Variants in PKN2 observed in about 807,000 individuals in gnomAD.
PKN2 encodes the protein protein kinase N2.
A neutral mutation model predicts 119.1 loss-of-function variants in PKN2; 38 were observed. The observed-to-expected ratio is 0.32, with a 90% CI of 0.25 to 0.42. The LOEUF is 0.42. Among genes scored for constraint, PKN2 ranks in the 10% least tolerant of loss-of-function variants. The probability of loss-of-function intolerance (pLI) is 1.00; values close to 1 mark genes in which losing one functional copy is unlikely to be tolerated. For synonymous variants in PKN2, 390 were observed against 384.9 expected (o/e 1.01, Z -0.15); for missense variants, 850 against 1,165.1 (o/e 0.73, Z 3.94).
intron 8 of PKN2, among the ~76,000 whole-genome samples, chr1:88,790,696 C>G (rs1344303944): frequency 6.6e-6 from 1 of 152,018 alleles, no homozygotes; most frequent in African/African-American, 2.4e-5. Flanking sequence ...GTGGCACTTT[C>G]AGTTTGAAAG....
intron 3 of PKN2, among the ~76,000 whole-genome samples, chr1:88,760,889 A>G (rs1483310560): frequency 6.6e-6 from 1 of 152,198 alleles, no homozygotes; most frequent in Non-Finnish European, 1.5e-5. Context: ...GGAGCTTTCC[A>G]TATCTGCAAC....
At chr1:88,825,856 C>T (rs532537837) in intron 18 of PKN2, among the ~76,000 whole-genome samples, 44 of 152,314 alleles carry the variant, frequency 2.9e-4, no homozygotes, top group African/African-American at 1.0e-3. Flanking sequence ...CTGCCTTCCT[C>T]TCTGGCCACA....
At chr1:88,770,534 AG>A in intron 4 of PKN2, 65 bp downstream of exon 4, 1 of 850,920 alleles carries the variant, frequency 1.2e-6, no homozygotes, top group South Asian at 1.4e-5. Context: ...ATGCAGGAAC[AG>A]GGCAGTGGTT....
Position 88,771,730 on chromosome 1 carries a change from T to A in PKN2, c.836T>A (p.Leu279Ter), listed in dbSNP as rs770448851. The change falls in exon 6 of 22, where the codon TTA becomes TAA. Residue 279 changes from leucine to a stop codon, truncating the protein, a stop_gained. Transcript: ENST00000370521. LOFTEE classifies it high-confidence loss of function. ...TTAAAGTATTCATTAGAGCAAAGAT[T>A]AAACGAAGTCCCCAAGAATCATCCC... Reference protein sequence around the residue: ...DLLKYSLEQRLNEVPKNHPKS... With the variant: ...DLLKYSLEQR 6.2e-7 allele frequency: 1 copy of A among 1,613,972 alleles called. No individual in the cohort carries two copies. Among genetic ancestry groups the A allele is most frequent in the Non-Finnish European group, 8.5e-7 (1 of 1,179,924 alleles).
intron 18 of PKN2, among the ~76,000 whole-genome samples, chr1:88,826,424 TTTTTA>T (rs1420604071): frequency 6.6e-6 from 1 of 152,052 alleles, no homozygotes; most frequent in Non-Finnish European, 1.5e-5. Context: ...AATATTTTAT[TTTTTA>T]TTTTATTTTT....
chr1:88,704,457 G>T (rs1378300717), intron 1 of PKN2, among the ~76,000 whole-genome samples: 4 of 152,142 alleles, frequency 2.6e-5, no homozygotes, highest in Non-Finnish European at 5.9e-5. Flanking sequence ...GAACATTTGT[G>T]TAGAAGTTTT....
At chr1:88,730,163 T>TA (rs1407546295) in intron 1 of PKN2, among the ~76,000 whole-genome samples, 127 of 145,810 alleles carry the variant, frequency 8.7e-4, no homozygotes, top group African/African-American at 3.1e-3. Context: ...AGACTCCGTC[T>TA]CAAAAAAAAA....
At chr1:88,731,878 G>GT (rs1200702868) in intron 1 of PKN2, among the ~76,000 whole-genome samples, 1 of 152,082 alleles carries the variant, frequency 6.6e-6, no homozygotes, top group Non-Finnish European at 1.5e-5. Flanking sequence ...TTATTTCAGT[G>GT]TTTTTCTTAA....
intron 7 of PKN2, 84 bp from the exon 8 acceptor site, chr1:88,786,020 C>G (rs1670558040): frequency 1.3e-6 from 1 of 771,916 alleles, no homozygotes; most frequent in Non-Finnish European, 2.2e-6. Context: ...GGTCTTAAGA[C>G]TTTTATTGCT....
chr1:88,728,196 T>C (rs1281575146), intron 1 of PKN2, among the ~76,000 whole-genome samples: 2 of 152,106 alleles, frequency 1.3e-5, no homozygotes, highest in East Asian at 3.8e-4. Context: ...GGGTGTTTAG[T>C]TGAATTTATG....
Position 88,771,558 on chromosome 1 carries a change from C to A in PKN2, c.760C>A (p.Leu254Ile). Residue 254 changes from leucine to isoleucine, a missense_variant, in exon 5 of 22, where the codon CTT becomes ATT. Physicochemically the swap from Leu to Ile is conservative, Grantham distance 5. Coordinates refer to ENST00000370521, the MANE Select transcript of PKN2 (RefSeq NM_006256.4). ...AGGAAAAGTAACAGACAGAAAAGCA[C>A]TTTCAGAAGTAATTTTAAATAAAAA... ...GSGKVTDRKA[L>I]SEAQARFNES... 1 of 1,585,772 alleles carries A rather than the reference C, an allele frequency of 6.3e-7. No individual in the cohort carries two copies. The highest frequency in any genetic ancestry group is 1.2e-5 in the South Asian group (1 of 84,476).
At chr1:88,773,543 T>G (rs1005515853) in intron 6 of PKN2, among the ~76,000 whole-genome samples, 3 of 152,234 alleles carry the variant, frequency 2.0e-5, no homozygotes, top group Non-Finnish European at 4.4e-5. Flanking sequence ...GTGATCTGCC[T>G]GCCTTGGGCT....
At chr1:88,802,789 A>C (rs2100869050) in intron 8 of PKN2, among the ~76,000 whole-genome samples, 1 of 152,322 alleles carries the variant, frequency 6.6e-6, no homozygotes, top group Admixed American at 6.5e-5. Flanking sequence ...CCAGTGTAAA[A>C]GTGTAATAAG....
intron 15 of PKN2, among the ~76,000 whole-genome samples, chr1:88,812,273 T>G (rs1671809759): frequency 1.3e-5 from 2 of 152,216 alleles, no homozygotes; most frequent in African/African-American, 4.8e-5. Context: ...ATTCAGATAA[T>G]TCCTGTGAAT....
chr1:88,774,450 A>G (rs1670008615), intron 6 of PKN2, among the ~76,000 whole-genome samples: 1 of 152,160 alleles, frequency 6.6e-6, no homozygotes, highest in Non-Finnish European at 1.5e-5. Context: ...GAGGCCCACC[A>G]TGAGTCACCT....
chr1:88,822,312 C>T (rs1672326155), intron 17 of PKN2, among the ~76,000 whole-genome samples: 1 of 152,144 alleles, frequency 6.6e-6, no homozygotes, highest in African/African-American at 2.4e-5. Context: ...TGCAGAAAAC[C>T]TCTATAGACC....
intron 8 of PKN2, among the ~76,000 whole-genome samples, chr1:88,800,945 T>C (rs1671281164): frequency 6.6e-6 from 1 of 152,140 alleles, no homozygotes; most frequent in Admixed American, 6.5e-5. Context: ...ACTGCTCAGC[T>C]TTTTTTGGTG....
chr1:88,757,102 G>A (rs1037428210), intron 2 of PKN2, among the ~76,000 whole-genome samples: 1 of 151,950 alleles, frequency 6.6e-6, no homozygotes, highest in Admixed American at 6.6e-5. Flanking sequence ...GTTTTTTGGA[G>A]CAGCCCATTT....
intron 2 of PKN2, among the ~76,000 whole-genome samples, chr1:88,743,394 C>T (rs937624356): frequency 5.9e-5 from 9 of 152,136 alleles, no homozygotes; most frequent in Non-Finnish European, 8.8e-5. Flanking sequence ...CATAGGAACC[C>T]GCTGATCCAT....
Sources: allele counts gnomAD v4.1 joint callset (sites outside exome capture counted in the v4.1 genomes callset), GRCh38; gene constraint gnomAD v4.1.1; transcripts MANE v1.5; gene names NCBI Gene and HGNC (gene_info 2026-07-23, HGNC 2026-07-21).